Variants in PARD3 observed in about 807,000 individuals in gnomAD.
The protein encoded by PARD3 is par-3 family cell polarity regulator, also known as partitioning defective 3 homolog.
A neutral mutation model predicts 155.4 loss-of-function variants in PARD3; 75 were observed. The observed-to-expected ratio is 0.48, with a 90% confidence interval of 0.40 to 0.58. PARD3 has a LOEUF of 0.58. PARD3 is among the 20% of genes least tolerant of loss of function. PARD3 has a pLI of 0.00. For synonymous variants in PARD3, 576 were observed against 610.5 expected, an observed-to-expected ratio of 0.94 and a Z score of 0.83; for missense variants, 1,642 against 1,721.7, an observed-to-expected ratio of 0.95 and a Z score of 0.82.
chr10:34,165,756 C>T (rs2133079683), intron 22 of PARD3, among the ~76,000 whole-genome samples: 1 of 152,268 alleles, frequency 6.6e-6, no homozygotes, highest in Admixed American at 6.5e-5. Flanking sequence ...GAGGAGCAAC[C>T]CAAATTACTG....
At chr10:34,594,132 T>C (rs2134397205) in intron 2 of PARD3, among the ~76,000 whole-genome samples, 1 of 152,328 alleles carries the variant, frequency 6.6e-6, no homozygotes, top group Non-Finnish European at 1.5e-5. Context: ...AGCAAGGGTT[T>C]ATTACTGTAA....
chr10:34,403,869 A>G (rs992473755), intron 5 of PARD3, among the ~76,000 whole-genome samples: 5 of 152,344 alleles, frequency 3.3e-5, no homozygotes, highest in Admixed American at 1.3e-4. Flanking sequence ...AACCAGATGT[A>G]GGACACAAAA....
chr10:34,618,143 G>A (rs1186662760), intron 2 of PARD3, among the ~76,000 whole-genome samples: 1 of 152,118 alleles, frequency 6.6e-6, no homozygotes, highest in Non-Finnish European at 1.5e-5. Flanking sequence ...TGAAATTTGG[G>A]CTTCCTAATC....
At chr10:34,417,184 A>G (rs1845755263) in intron 5 of PARD3, among the ~76,000 whole-genome samples, 1 of 152,152 alleles carries the variant, frequency 6.6e-6, no homozygotes, top group Admixed American at 6.5e-5. Flanking sequence ...TTATAACTCC[A>G]GTTCTTCAGC....
At chr10:34,167,581 C>G (rs1660622) in intron 22 of PARD3, among the ~76,000 whole-genome samples, 29,852 of 149,012 alleles carry the variant, frequency 0.2, 3,794 homozygotes, top group Non-Finnish European at 0.27. Flanking sequence ...TAGAAAATGG[C>G]AAAAGGTAAT....
chr10:34,320,445 C>A (rs1327470841), intron 19 of PARD3, among the ~76,000 whole-genome samples: 1 of 152,158 alleles, frequency 6.6e-6, no homozygotes, highest in African/African-American at 2.4e-5. Flanking sequence ...ATGATTTAGT[C>A]TTCCACAGCA....
In PARD3 at chr10:34,291,955, C is replaced by G. The variant is rs549079888; in HGVS notation, c.3066-7710G>C. On this transcript the variant is annotated intron_variant, in intron 20 of 24. Transcript: ENST00000374788. ...CAAAGGACATTGTTCCTGAATAGAACTTATCTCGGAAGGCCAGGGATTTGA... is the reference window on the plus strand; with the variant it reads ...CAAAGGACATTGTTCCTGAATAGAAGTTATCTCGGAAGGCCAGGGATTTGA... Among the ~76,000 whole-genome samples, 121 of 152,312 alleles carry G rather than the reference C, an allele frequency of 7.9e-4. 1 individual carries two copies. Among genetic ancestry groups the G allele is most frequent in the African/African-American group, 2.7e-3 (113 of 41,572 alleles).
intron 3 of PARD3, among the ~76,000 whole-genome samples, chr10:34,478,444 T>C (rs1468615418): frequency 2.0e-5 from 3 of 152,206 alleles, no homozygotes; most frequent in Non-Finnish European, 4.4e-5. Context: ...GATTTAATGG[T>C]AAGTTTAAGA....
At chr10:34,121,100 G>T (rs1946976752) in intron 23 of PARD3, among the ~76,000 whole-genome samples, 1 of 151,588 alleles carries the variant, frequency 6.6e-6, no homozygotes, top group Non-Finnish European at 1.5e-5. Flanking sequence ...AGAAAGAAAA[G>T]AAAAAACATA....
chr10:34,440,059 C>T (rs958246409), intron 5 of PARD3, among the ~76,000 whole-genome samples: 4 of 152,012 alleles, frequency 2.6e-5, no homozygotes, highest in Non-Finnish European at 4.4e-5. Flanking sequence ...ACACTGAAGA[C>T]GGGAATTTTT....
At chr10:34,688,501 T>C (rs1379016876) in intron 2 of PARD3, among the ~76,000 whole-genome samples, 2 of 152,190 alleles carry the variant, frequency 1.3e-5, no homozygotes, top group East Asian at 1.9e-4. Context: ...AAAATGTCAA[T>C]TGAGAAAACT....
At chr10:34,618,056 C>T (rs1374438324) in intron 2 of PARD3, among the ~76,000 whole-genome samples, 4 of 152,156 alleles carry the variant, frequency 2.6e-5, no homozygotes, top group Admixed American at 1.3e-4. Context: ...ACCGTCAAAA[C>T]TATGACCTTT....
chr10:34,115,348 C>G (rs1235782418), intron 24 of PARD3, among the ~76,000 whole-genome samples: 1 of 152,078 alleles, frequency 6.6e-6, no homozygotes, highest in Non-Finnish European at 1.5e-5. Context: ...AACACCAAAC[C>G]AAGAACCTTA....
intron 1 of PARD3, among the ~76,000 whole-genome samples, chr10:34,784,229 C>T (rs775598390): frequency 6.6e-6 from 1 of 151,780 alleles, no homozygotes; most frequent in Non-Finnish European, 1.5e-5. Flanking sequence ...ATAAAAACAT[C>T]AGTATTCTAA....
At chr10:34,785,098 T>C (rs1284724371) in intron 1 of PARD3, among the ~76,000 whole-genome samples, 1 of 152,264 alleles carries the variant, frequency 6.6e-6, no homozygotes, top group Non-Finnish European at 1.5e-5. Context: ...ATATGTGGAC[T>C]ACTAGACAAA....
intron 22 of PARD3, among the ~76,000 whole-genome samples, chr10:34,189,564 G>A (rs1950618222): frequency 6.6e-6 from 1 of 152,136 alleles, no homozygotes; most frequent in African/African-American, 2.4e-5. Flanking sequence ...CCTGGATGAG[G>A]CAGTAAGTAT....
intron 12 of PARD3, among the ~76,000 whole-genome samples, chr10:34,361,329 A>T (rs768484484): frequency 4.6e-5 from 7 of 152,358 alleles, no homozygotes; most frequent in Non-Finnish European, 1.0e-4. Flanking sequence ...ATATTTCTCC[A>T]GCATCTGTTT....
At chr10:34,666,587 T>C (rs1327470637) in intron 2 of PARD3, among the ~76,000 whole-genome samples, 2 of 151,688 alleles carry the variant, frequency 1.3e-5, no homozygotes, top group African/African-American at 4.8e-5. Flanking sequence ...CTTCTGCTTC[T>C]GGACTCCTTC....
intron 2 of PARD3, among the ~76,000 whole-genome samples, chr10:34,641,856 G>C (rs2092688824): frequency 6.6e-6 from 1 of 152,188 alleles, no homozygotes; most frequent in Admixed American, 6.5e-5. Flanking sequence ...AGGTGCATGA[G>C]GCATCCAGAA....
Sources: allele counts gnomAD v4.1 joint callset (sites outside exome capture counted in the v4.1 genomes callset), GRCh38; gene constraint gnomAD v4.1.1; transcripts MANE v1.5; gene names NCBI Gene and HGNC (gene_info 2026-07-23, HGNC 2026-07-21).